The following COL25A1 variants were observed in gnomAD, a reference collection of about 807,000 sequenced individuals.
COL25A1 encodes collagen type XXV alpha 1 chain, also known as collagen alpha-1(XXV) chain.
Under a neutral mutation model 128.4 loss-of-function variants are expected in COL25A1, and 103 were observed. The observed-to-expected ratio is 0.80, with a 90% CI of 0.68 to 0.94. The LOEUF is 0.94. Among genes scored for constraint, COL25A1 ranks in the 40% least tolerant of loss-of-function variants. COL25A1 has a pLI of 0.00. For missense variants in COL25A1, 745 were observed against 840.0 expected (o/e 0.89, Z 1.40); for synonymous variants, 279 against 277.2 (o/e 1.01, Z -0.06).
At chr4:109,044,594 TAC>T (rs1367260024) in intron 5 of COL25A1, among the ~76,000 whole-genome samples, 2 of 152,108 alleles carry the variant, frequency 1.3e-5, no homozygotes, top group Non-Finnish European at 2.9e-5. Flanking sequence ...AATCTGTCTG[TAC>T]ACATGAAGCC....
At chr4:108,845,042 G>A (rs979559000) in intron 29 of COL25A1, 147 bp downstream of exon 29, 78 of 745,678 alleles carry the variant, frequency 1.0e-4, no homozygotes, top group South Asian at 5.9e-4. Flanking sequence ...CAGGGCTGAC[G>A]GATGTTTCTT....
chr4:108,953,627 T>A (rs955576308), intron 8 of COL25A1, among the ~76,000 whole-genome samples: 2 of 152,112 alleles, frequency 1.3e-5, no homozygotes, highest in African/African-American at 2.4e-5. Context: ...ATCCCTTGAT[T>A]TTTGCCACAG....
At chr4:109,289,966 A>C (rs1034189429) in intron 3 of COL25A1, among the ~76,000 whole-genome samples, 1 of 152,094 alleles carries the variant, frequency 6.6e-6, no homozygotes, top group African/African-American at 2.4e-5. Context: ...AAATGCTAGC[A>C]GTATATGATT....
intron 5 of COL25A1, among the ~76,000 whole-genome samples, chr4:109,021,187 T>C (rs1757713875): frequency 6.6e-6 from 1 of 152,210 alleles, no homozygotes; most frequent in African/African-American, 2.4e-5. Flanking sequence ...CTCATCTGTG[T>C]CTCCTGTTTC....
At chr4:109,246,926 T>C (rs1367922529) in intron 3 of COL25A1, among the ~76,000 whole-genome samples, 5 of 152,198 alleles carry the variant, frequency 3.3e-5, no homozygotes, top group Non-Finnish European at 7.3e-5. Context: ...AAATTATTTC[T>C]ATATAGGAAA....
rs769012975 is a variant in COL25A1 at position 108,852,254 on chromosome 4, T to C, written c.1371A>G (p.Gln457=). Residue 457 remains glutamine, a synonymous_variant, in exon 26 of 38, where the codon CAA becomes CAG. Coordinates refer to ENST00000399132, the MANE Select transcript of COL25A1 (RefSeq NM_198721.4). The part of the protein sequence containing the change: ...VTGPPGPPGP[Q]GLQGPKGEQG... ...GAATAACCTTTGGCCCTTGTAGTCC[T>C]TGAGGTCCAGGAGGTCCAGGGGGAC... 1.8e-5 allele frequency: 29 copies of C among 1,604,586 alleles called. No individual in the cohort carries two copies. The highest frequency in any genetic ancestry group is 6.9e-5 in the Admixed American group (4 of 57,644).
At chr4:109,009,559 A>C (rs777427634) in intron 6 of COL25A1, among the ~76,000 whole-genome samples, 2 of 152,204 alleles carry the variant, frequency 1.3e-5, no homozygotes, top group Non-Finnish European at 2.9e-5. Context: ...TTGTGAAACA[A>C]TCTAAGGCAG....
At chr4:109,273,150 TTCTTTGTAA>T in intron 3 of COL25A1, among the ~76,000 whole-genome samples, 1 of 152,280 alleles carries the variant, frequency 6.6e-6, no homozygotes, top group South Asian at 2.1e-4. Flanking sequence ...TAGTGTTACT[TTCTTTGTAA>T]TCCACTATAG....
intron 3 of COL25A1, among the ~76,000 whole-genome samples, chr4:109,282,167 A>G (rs978265362): frequency 4.6e-5 from 7 of 152,154 alleles, no homozygotes; most frequent in Admixed American, 3.9e-4. Flanking sequence ...TTTTTTTAAT[A>G]TGAACACTGA....
rs551160403 is a variant in COL25A1, at chr4:108,911,971, G to A, written c.780+6201C>T. On this transcript the variant is annotated intron_variant, in intron 13 of 37. Transcript: ENST00000399132. ...CTTTATAGTAACATGCCTAAATAAA[G>A]TCGGGAGAAAGTGGTTTTAAAGAAA... Among the ~76,000 whole-genome samples, 7 of 152,164 alleles carry A rather than the reference G, an allele frequency of 4.6e-5. No individual in the cohort carries two copies. The South Asian group carries it at 1.5e-3, about 32-fold the overall frequency.
At chr4:108,851,896 C>A (rs139349364) in intron 26 of COL25A1, among the ~76,000 whole-genome samples, 1 of 152,208 alleles carries the variant, frequency 6.6e-6, no homozygotes, top group African/African-American at 2.4e-5. Context: ...CTCTAATCCT[C>A]CTTTAATCAA....
chr4:109,097,534 G>T (rs984939992), intron 3 of COL25A1, among the ~76,000 whole-genome samples: 1 of 151,394 alleles, frequency 6.6e-6, no homozygotes, highest in Admixed American at 6.6e-5. Flanking sequence ...GATCACTTGA[G>T]CCCAGCAGGC....
intron 20 of COL25A1, among the ~76,000 whole-genome samples, chr4:108,867,295 A>G (rs1199005261): frequency 2.6e-5 from 4 of 152,140 alleles, no homozygotes; most frequent in Admixed American, 2.6e-4. Flanking sequence ...TATCATGCCC[A>G]TCTGCGAGGC....
chr4:109,154,808 TTTTAA>T (rs1306087027), intron 3 of COL25A1, among the ~76,000 whole-genome samples: 1 of 152,258 alleles, frequency 6.6e-6, no homozygotes, highest in African/African-American at 2.4e-5. Context: ...CTTTCTCTTC[TTTTAA>T]TTTAACTTCC....
chr4:109,218,450 A>G (rs1778208340), intron 3 of COL25A1, among the ~76,000 whole-genome samples: 1 of 137,114 alleles, frequency 7.3e-6, no homozygotes, highest in Non-Finnish European at 1.5e-5. Flanking sequence ...TTTAAACTCT[A>G]TCCAAACCCA....
intron 6 of COL25A1, among the ~76,000 whole-genome samples, chr4:108,984,463 C>T (rs533522755): frequency 1.4e-4 from 22 of 151,852 alleles, no homozygotes; most frequent in Admixed American, 9.9e-4. Flanking sequence ...GGGGAGGCTC[C>T]CGCCGCACAG....
intron 6 of COL25A1, among the ~76,000 whole-genome samples, chr4:108,985,149 G>T (rs1753540245): frequency 6.6e-6 from 1 of 152,040 alleles, no homozygotes; most frequent in Non-Finnish European, 1.5e-5. Flanking sequence ...TTTAATATGA[G>T]CTTCTACAAC....
chr4:109,087,594 C>T (rs1764528013), intron 3 of COL25A1, among the ~76,000 whole-genome samples: 1 of 152,200 alleles, frequency 6.6e-6, no homozygotes, highest in African/African-American at 2.4e-5. Context: ...TATTGAACCA[C>T]ACTTCAGGTT....
intron 3 of COL25A1, among the ~76,000 whole-genome samples, chr4:109,067,440 T>A (rs1762541788): frequency 6.6e-6 from 1 of 152,078 alleles, no homozygotes; most frequent in Non-Finnish European, 1.5e-5. Context: ...AAAAAAAAAA[T>A]TGAAAATATT....
Sources: allele counts gnomAD v4.1 joint callset (sites outside exome capture counted in the v4.1 genomes callset), GRCh38; gene constraint gnomAD v4.1.1; transcripts MANE v1.5; gene names NCBI Gene and HGNC (gene_info 2026-07-23, HGNC 2026-07-21).